Variants in LRMDA observed in about 807,000 individuals in gnomAD.
LRMDA encodes leucine rich melanocyte differentiation associated, also known as leucine-rich melanocyte differentiation-associated protein.
Under a neutral mutation model 29.8 loss-of-function variants are expected in LRMDA, and 18 were observed. The observed-to-expected ratio is 0.60, with a 90% CI of 0.42 to 0.90. LRMDA has a LOEUF of 0.90. Ranked by LOEUF, LRMDA falls within the 40% of genes least tolerant of loss-of-function variation. LRMDA has a pLI of 0.00. For missense variants in LRMDA, 273 were observed against 273.9 expected, an observed-to-expected ratio of 1.00 and a Z score of 0.02; for synonymous variants, 125 against 109.4, an observed-to-expected ratio of 1.14 and a Z score of -0.89.
intron 2 of LRMDA, among the ~76,000 whole-genome samples, chr10:75,756,325 C>T (rs925164226): frequency 1.5e-4 from 23 of 152,146 alleles, no homozygotes; most frequent in African/African-American, 5.3e-4. Flanking sequence ...TTTGATTCCT[C>T]CCAGTCTGCT....
At chr10:76,370,333 G>T (rs1166570613) in intron 6 of LRMDA, among the ~76,000 whole-genome samples, 1 of 152,112 alleles carries the variant, frequency 6.6e-6, no homozygotes, top group Non-Finnish European at 1.5e-5. Flanking sequence ...TGTGCCTGGG[G>T]TCATATTGTT....
chr10:76,508,293 A>G (rs1451040338), intron 6 of LRMDA, among the ~76,000 whole-genome samples: 1 of 152,160 alleles, frequency 6.6e-6, no homozygotes, highest in Non-Finnish European at 1.5e-5. Flanking sequence ...GTTCCACATG[A>G]TAATCTCCTT....
chr10:76,547,564 G>A (rs1357422842), intron 6 of LRMDA, among the ~76,000 whole-genome samples: 3 of 152,066 alleles, frequency 2.0e-5, no homozygotes, highest in Non-Finnish European at 4.4e-5. Context: ...CTCTAGTGGT[G>A]ATGCTCCCGA....
chr10:76,192,079 G>C (rs1264472071), intron 5 of LRMDA, among the ~76,000 whole-genome samples: 3 of 152,138 alleles, frequency 2.0e-5, no homozygotes, highest in African/African-American at 7.2e-5. Context: ...TGAAAAACTT[G>C]TTGGCATTGG....
intron 5 of LRMDA, among the ~76,000 whole-genome samples, chr10:76,092,728 G>A (rs950525595): frequency 1.3e-5 from 2 of 152,136 alleles, no homozygotes; most frequent in African/African-American, 4.8e-5. Flanking sequence ...TTAAAAGCAA[G>A]TGTGTATGGA....
At chr10:75,880,121 A>G (rs1457701189) in intron 2 of LRMDA, among the ~76,000 whole-genome samples, 1 of 152,206 alleles carries the variant, frequency 6.6e-6, no homozygotes, top group African/African-American at 2.4e-5. Flanking sequence ...TCAGTGTCCA[A>G]TGAGTAGTAT....
At chr10:75,919,321 A>G (rs1215126588) in intron 2 of LRMDA, among the ~76,000 whole-genome samples, 3 of 152,190 alleles carry the variant, frequency 2.0e-5, no homozygotes, top group Non-Finnish European at 4.4e-5. Flanking sequence ...AAGGCTCAAG[A>G]TTCATTTACT....
At chr10:75,467,418 A>G (rs1265075098) in intron 2 of LRMDA, among the ~76,000 whole-genome samples, 2 of 152,200 alleles carry the variant, frequency 1.3e-5, no homozygotes, top group Non-Finnish European at 2.9e-5. Context: ...TGTGTGAGTA[A>G]CTGTCTTAGG....
chr10:75,566,709 A>G (rs891633047), intron 2 of LRMDA, among the ~76,000 whole-genome samples: 1 of 151,604 alleles, frequency 6.6e-6, no homozygotes, highest in East Asian at 1.9e-4. Context: ...TTTCTTATCA[A>G]CTCCAAAATA....
intron 2 of LRMDA, among the ~76,000 whole-genome samples, chr10:75,908,734 G>A (rs1845797658): frequency 6.6e-6 from 1 of 151,656 alleles, no homozygotes; most frequent in African/African-American, 2.4e-5. Context: ...GCTCCACGTG[G>A]GATCATGCGA....
intron 5 of LRMDA, among the ~76,000 whole-genome samples, chr10:76,281,784 C>A (rs1009640807): frequency 2.6e-5 from 4 of 152,168 alleles, no homozygotes; most frequent in Non-Finnish European, 5.9e-5. Context: ...AAGTGGCTTG[C>A]AACCTCAAAG....
Position 76,316,305 on chromosome 10 carries a change from T to A in LRMDA, c.517-8096T>A, listed in dbSNP as rs374699590. ...TGGAAGCTACTTGCAGGACGCCTGG[T>A]CCAGATGCAGCCTCTCTTGGAGCCA... On this transcript the variant is annotated intron_variant, in intron 5 of 6. Transcript: ENST00000611255. 5.4e-3 allele frequency among the ~76,000 whole-genome samples: 823 copies of A among 152,226 alleles called. 8 individuals carry two copies. The highest frequency in any genetic ancestry group is 0.019 in the African/African-American group (792 of 41,560).
intron 6 of LRMDA, among the ~76,000 whole-genome samples, chr10:76,418,392 T>C (rs566552932): frequency 3.9e-5 from 6 of 151,956 alleles, no homozygotes; most frequent in African/African-American, 1.4e-4. Flanking sequence ...TATTTCATTA[T>C]ATTTATATGT....
intron 2 of LRMDA, among the ~76,000 whole-genome samples, chr10:75,781,513 C>T (rs1031593217): frequency 1.3e-5 from 2 of 152,126 alleles, no homozygotes; most frequent in African/African-American, 2.4e-5. Context: ...TGGAGAACAA[C>T]AATAACAACA....
chr10:75,598,887 G>C (rs80153854), intron 2 of LRMDA, among the ~76,000 whole-genome samples: 2,167 of 152,264 alleles, frequency 0.014, 17 homozygotes, highest in Non-Finnish European at 0.021. Context: ...CTGGGCTTCT[G>C]TCTAGATGTT....
chr10:75,452,285 C>T (rs747304188), intron 2 of LRMDA, among the ~76,000 whole-genome samples: 2 of 152,164 alleles, frequency 1.3e-5, no homozygotes, highest in African/African-American at 2.4e-5. Context: ...CTGGTTTATT[C>T]TGTGCTGCCT....
chr10:75,803,917 G>A (rs1843800248), intron 2 of LRMDA, among the ~76,000 whole-genome samples: 1 of 152,186 alleles, frequency 6.6e-6, no homozygotes, highest in African/African-American at 2.4e-5. Context: ...GTCCTGGTCT[G>A]CCATCTGCTG....
At chr10:75,866,815 C>G (rs919829541) in intron 2 of LRMDA, among the ~76,000 whole-genome samples, 1 of 152,178 alleles carries the variant, frequency 6.6e-6, no homozygotes. Context: ...AAATCTAGAT[C>G]TGTTTGAAGC....
chr10:76,340,213 C>T (rs1841022452), intron 6 of LRMDA, among the ~76,000 whole-genome samples: 1 of 151,948 alleles, frequency 6.6e-6, no homozygotes, highest in Non-Finnish European at 1.5e-5. Flanking sequence ...GATGATGTTA[C>T]TAGTTATAAA....
Sources: gnomAD v4.1 joint callset for allele counts (sites outside exome capture counted in the v4.1 genomes callset) on GRCh38, gnomAD v4.1.1 for gene constraint, MANE v1.5 for transcripts, NCBI Gene and HGNC (gene_info 2026-07-23, HGNC 2026-07-21) for gene names.